Variants in SAMD3 observed in about 807,000 individuals in gnomAD.
SAMD3 encodes sterile alpha motif domain containing 3.
Under a neutral mutation model 58.5 loss-of-function variants are expected in SAMD3, and 63 were observed. The ratio of observed to expected loss-of-function variants is 1.08; its 90% confidence interval spans 0.88 to 1.33. SAMD3 has a LOEUF of 1.33. Among genes scored for constraint, SAMD3 ranks in the 40% most tolerant of loss-of-function variants. The pLI is 0.00. For synonymous variants in SAMD3, 220 were observed against 210.3 expected (o/e 1.05, Z -0.40); for missense variants, 604 against 608.4 (o/e 0.99, Z 0.08).
intron 2 of SAMD3, among the ~76,000 whole-genome samples, chr6:130,251,660 T>C (rs1773742828): frequency 6.6e-6 from 1 of 152,206 alleles, no homozygotes; most frequent in African/African-American, 2.4e-5. Context: ...TTAGCATACT[T>C]GTCCAAAATC....
chr6:130,215,911 G>A (rs1795981037), intron 2 of SAMD3: 1 of 1,366,486 alleles, frequency 7.3e-7, no homozygotes, highest in Non-Finnish European at 1.0e-6. Context: ...GAATGTTTCT[G>A]TCCTTCCTTC....
chr6:130,273,504 T>C (rs905787155), intron 2 of SAMD3, among the ~76,000 whole-genome samples: 1 of 152,160 alleles, frequency 6.6e-6, no homozygotes, highest in Non-Finnish European at 1.5e-5. Context: ...AAAGTAATTA[T>C]TGGTAGAGAA....
chr6:130,266,964 C>A (rs973306016), intron 2 of SAMD3, among the ~76,000 whole-genome samples: 1 of 152,182 alleles, frequency 6.6e-6, no homozygotes, highest in Admixed American at 6.5e-5. Flanking sequence ...TTGTTGCAAG[C>A]TGTTTTAGAA....
intron 1 of SAMD3, among the ~76,000 whole-genome samples, chr6:130,328,678 A>T (rs1345610168): frequency 2.6e-5 from 4 of 152,218 alleles, no homozygotes; most frequent in Non-Finnish European, 5.9e-5. Context: ...AGGATCAATT[A>T]GGCCTCAAGA....
At chr6:130,343,451 T>G (rs566959875) in intron 1 of SAMD3, among the ~76,000 whole-genome samples, 102 of 152,338 alleles carry the variant, frequency 6.7e-4, no homozygotes, top group African/African-American at 2.4e-3. Context: ...ATGTGTCCTA[T>G]AGGCTCAATT....
intron 2 of SAMD3, among the ~76,000 whole-genome samples, chr6:130,247,244 C>A (rs148716827): frequency 6.6e-6 from 1 of 151,984 alleles, no homozygotes; most frequent in East Asian, 1.9e-4. Flanking sequence ...CCGAGGCGGG[C>A]GGATCACCTT....
chr6:130,153,647 C>CATATATAT (rs1196709383), intron 9 of SAMD3, among the ~76,000 whole-genome samples: 3,626 of 96,650 alleles, frequency 0.038, 286 homozygotes, highest in Non-Finnish European at 0.063. Context: ...CATTAAATTT[C>CATATATAT]ATATATATAT....
chr6:130,352,864 A>G (rs950546873), intron 1 of SAMD3, among the ~76,000 whole-genome samples: 1 of 152,222 alleles, frequency 6.6e-6, no homozygotes, highest in African/African-American at 2.4e-5. Context: ...TAAAAGGATC[A>G]TTTATGATAT....
intron 8 of SAMD3, among the ~76,000 whole-genome samples, chr6:130,155,450 T>A (rs71572904): frequency 6.6e-6 from 1 of 152,220 alleles, no homozygotes; most frequent in Non-Finnish European, 1.5e-5. Flanking sequence ...TGCAGTACCA[T>A]GCCATATAAT....
At chr6:130,320,656 G>A (rs1274910425) in intron 1 of SAMD3, among the ~76,000 whole-genome samples, 1 of 152,118 alleles carries the variant, frequency 6.6e-6, no homozygotes, top group Non-Finnish European at 1.5e-5. Flanking sequence ...TAGATTAACA[G>A]TGTTACAATC....
chr6:130,350,527 A>T (rs1194333773), intron 1 of SAMD3, among the ~76,000 whole-genome samples: 1 of 152,170 alleles, frequency 6.6e-6, no homozygotes, highest in African/African-American at 2.4e-5. Context: ...GACATGAAGG[A>T]CCTCTTCAAG....
intron 2 of SAMD3, among the ~76,000 whole-genome samples, chr6:130,292,267 C>CTTTTTTTTTTTTT (rs1554271698): frequency 1.2e-5 from 1 of 83,942 alleles, no homozygotes; most frequent in Admixed American, 1.5e-4. Flanking sequence ...TTTTTTCTTT[C>CTTTTTTTTTTTTT]TTTCTTTTTT....
chr6:130,249,820 C>T (rs1263017514), intron 2 of SAMD3, among the ~76,000 whole-genome samples: 10 of 151,924 alleles, frequency 6.6e-5, no homozygotes, highest in Non-Finnish European at 1.5e-5. Context: ...CTGAGTAGAA[C>T]GTGACATAAT....
intron 7 of SAMD3, among the ~76,000 whole-genome samples, chr6:130,178,373 C>T (rs550266043): frequency 2.2e-3 from 317 of 145,168 alleles, no homozygotes; most frequent in Non-Finnish European, 3.7e-3. Flanking sequence ...ACAGTGAGTG[C>T]GGGGAAGGGA....
intron 2 of SAMD3, among the ~76,000 whole-genome samples, chr6:130,248,152 T>C (rs991726076): frequency 1.3e-5 from 2 of 151,302 alleles, no homozygotes; most frequent in African/African-American, 4.9e-5. Flanking sequence ...TGAACTGTTC[T>C]GAATCATTTC....
chr6:130,362,935 T>C (rs148258744), intron 1 of SAMD3, among the ~76,000 whole-genome samples: 1 of 152,156 alleles, frequency 6.6e-6, no homozygotes, highest in African/African-American at 2.4e-5. Flanking sequence ...GAAATAAAAA[T>C]GACCTTAAAA....
intron 2 of SAMD3, among the ~76,000 whole-genome samples, chr6:130,276,933 G>A (rs1774796742): frequency 6.6e-6 from 1 of 152,116 alleles, no homozygotes; most frequent in Admixed American, 6.6e-5. Flanking sequence ...GGGGCCACAG[G>A]ACTGGTCAAG....
chr6:130,199,798 G>T (rs1932116), intron 5 of SAMD3, among the ~76,000 whole-genome samples: 77,545 of 152,010 alleles, frequency 0.51, 21,110 homozygotes, highest in African/African-American at 0.67. Flanking sequence ...GGTACCCACC[G>T]TGAATTCTGA....
chr6:130,304,178 A>C (rs1775838233), intron 2 of SAMD3, among the ~76,000 whole-genome samples: 1 of 152,146 alleles, frequency 6.6e-6, no homozygotes, highest in South Asian at 2.1e-4. Context: ...ATTGTTGAAC[A>C]GTCCTAATTT....
Sources: allele counts gnomAD v4.1 joint callset (sites outside exome capture counted in the v4.1 genomes callset), GRCh38; gene constraint gnomAD v4.1.1; transcripts MANE v1.5; gene names NCBI Gene and HGNC (gene_info 2026-07-23, HGNC 2026-07-21).